Variants in CACNB2 observed in about 807,000 individuals in gnomAD.
CACNB2 encodes voltage-dependent L-type calcium channel subunit beta-2.
CACNB2 carries 42 observed loss-of-function variants against 73.3 expected under a neutral mutation model. The ratio of observed to expected loss-of-function variants is 0.57; its 90% confidence interval spans 0.45 to 0.74. The LOEUF is 0.74. Ranked by LOEUF, CACNB2 falls within the 30% of genes least tolerant of loss-of-function variation. The pLI, the probability that CACNB2 is intolerant of heterozygous loss-of-function variation, is 0.00. For missense variants in CACNB2, 940 were observed against 853.0 expected, an observed-to-expected ratio of 1.10 and a Z score of -1.27; for synonymous variants, 348 against 310.3, an observed-to-expected ratio of 1.12 and a Z score of -1.28.
chr10:18,471,033 G>A (rs1466547695), intron 3 of CACNB2, among the ~76,000 whole-genome samples: 10 of 152,198 alleles, frequency 6.6e-5, no homozygotes, highest in East Asian at 5.8e-4. Context: ...GGCCGGGTGC[G>A]GTGGGTCACA....
intron 5 of CACNB2, among the ~76,000 whole-genome samples, chr10:18,505,388 A>G (rs1019721398): frequency 1.3e-5 from 2 of 152,190 alleles, no homozygotes; most frequent in Non-Finnish European, 2.9e-5. Context: ...GTATTTGAGT[A>G]TCTCTTAAGA....
At chr10:18,188,250 G>A (rs1270395006) in intron 2 of CACNB2, among the ~76,000 whole-genome samples, 4 of 149,538 alleles carry the variant, frequency 2.7e-5, no homozygotes, top group Admixed American at 1.3e-4. Flanking sequence ...CTGCCTACCT[G>A]CCTTCTTTCC....
At chr10:18,531,674 G>GTTA (rs548226795) in intron 10 of CACNB2, among the ~76,000 whole-genome samples, 127 of 152,226 alleles carry the variant, frequency 8.3e-4, no homozygotes, top group African/African-American at 2.9e-3. Context: ...AACAGCATCT[G>GTTA]TTATTTTTTG....
intron 3 of CACNB2, among the ~76,000 whole-genome samples, chr10:18,490,480 T>C (rs2049347031): frequency 6.6e-6 from 1 of 152,112 alleles, no homozygotes; most frequent in Non-Finnish European, 1.5e-5. Context: ...ACATCACCTC[T>C]TGGGCCTGAC....
intron 2 of CACNB2, among the ~76,000 whole-genome samples, chr10:18,279,110 A>T (rs1410020074): frequency 1.3e-5 from 2 of 152,170 alleles, no homozygotes; most frequent in Non-Finnish European, 2.9e-5. Context: ...CCCATTTCTT[A>T]TCAAGGACGT....
intron 2 of CACNB2, among the ~76,000 whole-genome samples, chr10:18,236,689 A>T (rs933727080): frequency 7.9e-5 from 12 of 152,104 alleles, no homozygotes; most frequent in African/African-American, 2.9e-4. Flanking sequence ...TTCCCCCAAA[A>T]TGACAGTCTC....
At chr10:18,297,630 A>G (rs1481281908) in intron 2 of CACNB2, among the ~76,000 whole-genome samples, 1 of 152,188 alleles carries the variant, frequency 6.6e-6, no homozygotes, top group African/African-American at 2.4e-5. Flanking sequence ...CTCCACGGAG[A>G]AGACAGGAGA....
intron 5 of CACNB2, among the ~76,000 whole-genome samples, chr10:18,502,712 A>AC (rs1167967358): frequency 1.7e-5 from 1 of 57,904 alleles, no homozygotes; most frequent in South Asian, 4.6e-4. Context: ...AAAAAAAAAA[A>AC]AAAAAAAAAA....
intron 2 of CACNB2, among the ~76,000 whole-genome samples, chr10:18,308,831 T>A (rs2039847979): frequency 1.3e-5 from 2 of 152,202 alleles, no homozygotes; most frequent in African/African-American, 4.8e-5. Context: ...CTTTTTTGGG[T>A]GAACAAGTTG....
At chr10:18,330,869 A>G (rs1308116254) in intron 2 of CACNB2, among the ~76,000 whole-genome samples, 1 of 150,958 alleles carries the variant, frequency 6.6e-6, no homozygotes, top group Non-Finnish European at 1.5e-5. Context: ...GGGTTTCATC[A>G]TGTTGCCCAG....
chr10:18,458,616 A>G (rs796500118), intron 3 of CACNB2, among the ~76,000 whole-genome samples: 16 of 152,322 alleles, frequency 1.1e-4, no homozygotes, highest in African/African-American at 3.6e-4. Context: ...ATATAAGACA[A>G]AAAGGTCCCA....
At chr10:18,472,336 A>G (rs1469916440) in intron 3 of CACNB2, among the ~76,000 whole-genome samples, 1 of 147,466 alleles carries the variant, frequency 6.8e-6, no homozygotes, top group Non-Finnish European at 1.5e-5. Flanking sequence ...TCCTGGGTTC[A>G]AGTGATTCTT....
chr10:18,488,066 C>T (rs1422691020), intron 3 of CACNB2, among the ~76,000 whole-genome samples: 1 of 151,406 alleles, frequency 6.6e-6, no homozygotes, highest in East Asian at 2.0e-4. Flanking sequence ...GCCTCGGCCT[C>T]CCAAAGTGCT....
intron 2 of CACNB2, among the ~76,000 whole-genome samples, chr10:18,185,060 A>G (rs1180624512): frequency 6.6e-6 from 1 of 152,096 alleles, no homozygotes; most frequent in Admixed American, 6.6e-5. Flanking sequence ...GCTGGTCTCA[A>G]ACTCCTGGGC....
intron 2 of CACNB2, among the ~76,000 whole-genome samples, chr10:18,275,288 C>T (rs2038231880): frequency 6.6e-6 from 1 of 152,192 alleles, no homozygotes; most frequent in Non-Finnish European, 1.5e-5. Context: ...AATGTGCCAT[C>T]TAAATACTAG....
At chr10:18,415,179 T>C (rs1001136441) in intron 3 of CACNB2, among the ~76,000 whole-genome samples, 4 of 152,142 alleles carry the variant, frequency 2.6e-5, no homozygotes, top group African/African-American at 9.7e-5. Flanking sequence ...CTTAAAGCAC[T>C]GTAGGCTTGG....
intron 2 of CACNB2, among the ~76,000 whole-genome samples, chr10:18,307,187 G>A (rs556199056): frequency 3.3e-5 from 5 of 152,276 alleles, no homozygotes; most frequent in South Asian, 4.1e-4. Flanking sequence ...TTTTAGGGCC[G>A]GTCACGTGGC....
chr10:18,428,405 G>T (rs2045713007), intron 3 of CACNB2, among the ~76,000 whole-genome samples: 1 of 152,066 alleles, frequency 6.6e-6, no homozygotes, highest in Non-Finnish European at 1.5e-5. Context: ...ATTACTTTCT[G>T]GCCAGGCATG....
At chr10:18,186,936 G>GATACAC (rs1239439217) in intron 2 of CACNB2, among the ~76,000 whole-genome samples, 1 of 152,188 alleles carries the variant, frequency 6.6e-6, no homozygotes, top group African/African-American at 2.4e-5. Flanking sequence ...TTAATAGTAA[G>GATACAC]ATACACATTA....
Sources: gnomAD v4.1 joint callset for allele counts (sites outside exome capture counted in the v4.1 genomes callset) on GRCh38, gnomAD v4.1.1 for gene constraint, MANE v1.5 for transcripts, NCBI Gene and HGNC (gene_info 2026-07-23, HGNC 2026-07-21) for gene names.